The following SPAG16 variants were observed in gnomAD, a reference collection of about 807,000 sequenced individuals.
SPAG16 encodes the protein sperm-associated antigen 16 protein.
A neutral mutation model predicts 80.4 loss-of-function variants in SPAG16; 86 were observed. The observed-to-expected ratio is 1.07, with a 90% CI of 0.90 to 1.28. The LOEUF (loss-of-function observed/expected upper bound fraction) is 1.28. Among genes scored for constraint, SPAG16 ranks in the 50% most tolerant of loss-of-function variants. The pLI is 0.00. For missense variants in SPAG16, 870 were observed against 765.3 expected, an observed-to-expected ratio of 1.14 and a Z score of -1.61; for synonymous variants, 294 against 265.9, an observed-to-expected ratio of 1.11 and a Z score of -1.03.
chr2:213,402,479 G>A (rs2068368895), intron 9 of SPAG16, among the ~76,000 whole-genome samples: 6 of 151,828 alleles, frequency 4.0e-5, no homozygotes, highest in Admixed American at 3.9e-4. Context: ...ACAACGTGCA[G>A]GTTTGTTACA....
chr2:213,382,140 A>G lies in SPAG16; in HGVS notation c.942+7021A>G, dbSNP rs2067205728. Among the ~76,000 whole-genome samples, 3 of 152,202 alleles carry G rather than the reference A, an allele frequency of 2.0e-5. No individual in the cohort carries two copies. In the South Asian group the frequency reaches 6.2e-4, roughly 32 times the overall value. On this transcript the variant is annotated intron_variant, in intron 9 of 15. Transcript: ENST00000331683. ...TTGAGGGACATGTGACATTGAAACAAGAGTGGAAGTTTGGAAGTTTACCTG... is the reference window on the plus strand; with the variant it reads ...TTGAGGGACATGTGACATTGAAACAGGAGTGGAAGTTTGGAAGTTTACCTG...
chr2:214,394,225 TAAGTC>T (rs1701238398), intron 15 of SPAG16, among the ~76,000 whole-genome samples: 1 of 152,180 alleles, frequency 6.6e-6, no homozygotes, highest in Non-Finnish European at 1.5e-5. Flanking sequence ...TCTCTCTTTC[TAAGTC>T]AAGTAAGATC....
intron 15 of SPAG16, among the ~76,000 whole-genome samples, chr2:214,317,781 T>C (rs1450459356): frequency 6.6e-6 from 1 of 152,208 alleles, no homozygotes; most frequent in East Asian, 1.9e-4. Context: ...GTGGCCCTTT[T>C]CTCAGAGTTG....
intron 10 of SPAG16, among the ~76,000 whole-genome samples, chr2:213,643,404 ATATATATT>A (rs2062697366): frequency 4.1e-5 from 2 of 48,706 alleles, no homozygotes; most frequent in Non-Finnish European, 7.8e-5. Flanking sequence ...ATATATATAT[ATATATATT>A]TTATCTCTTG....
intron 10 of SPAG16, among the ~76,000 whole-genome samples, chr2:213,656,681 T>A (rs1474342638): frequency 1.3e-5 from 2 of 152,238 alleles, no homozygotes; most frequent in East Asian, 1.9e-4. Flanking sequence ...CTACATGAAT[T>A]ATGTAGACAC....
At chr2:214,314,523 G>A (rs562316153) in intron 15 of SPAG16, among the ~76,000 whole-genome samples, 2 of 152,300 alleles carry the variant, frequency 1.3e-5, no homozygotes, top group East Asian at 3.9e-4. Context: ...CTGTGGGTTT[G>A]AATCCCACCC....
intron 13 of SPAG16, among the ~76,000 whole-genome samples, chr2:214,037,133 G>A (rs1292282764): frequency 2.0e-5 from 3 of 151,714 alleles, no homozygotes; most frequent in Non-Finnish European, 2.9e-5. Context: ...TTGATGAAAT[G>A]TTTGAGGTTA....
intron 10 of SPAG16, among the ~76,000 whole-genome samples, chr2:213,507,252 G>T (rs1177884555): frequency 6.6e-6 from 1 of 152,210 alleles, no homozygotes. Context: ...ATTATACATT[G>T]TACTGCTCAA....
At chr2:214,027,146 A>C (rs1458386292) in intron 13 of SPAG16, among the ~76,000 whole-genome samples, 1 of 151,678 alleles carries the variant, frequency 6.6e-6, no homozygotes, top group African/African-American at 2.4e-5. Context: ...AAAATAAGTA[A>C]TGATAAAATA....
chr2:214,205,166 G>T (rs755431157), intron 15 of SPAG16, among the ~76,000 whole-genome samples: 5 of 152,062 alleles, frequency 3.3e-5, no homozygotes, highest in Non-Finnish European at 7.4e-5. Flanking sequence ...GGAGGTTGCA[G>T]TGAGCCAAGA....
intron 12 of SPAG16, among the ~76,000 whole-genome samples, chr2:213,973,448 A>G (rs1044049866): frequency 7.9e-5 from 12 of 151,986 alleles, no homozygotes; most frequent in Non-Finnish European, 1.6e-4. Context: ...GTAGCACCCA[A>G]ACAGGTTAGA....
rs150908877 is a variant in SPAG16, at chr2:214,010,103, A to C, written c.1401-3848A>C. On this transcript the variant is annotated intron_variant, in intron 12 of 15. Transcript: ENST00000331683. ...TTTTTATATAATAAAATGTCAAAAG[A>C]GTTAAAATATTTTATTATGATTTGT... Among the ~76,000 whole-genome samples, 1,310 of 146,076 alleles carry C rather than the reference A, an allele frequency of 9.0e-3. 224 individuals are homozygous for C. The highest frequency in any genetic ancestry group is 0.033 in the African/African-American group (1,229 of 37,022).
At chr2:213,576,594 C>T (rs1031502859) in intron 10 of SPAG16, among the ~76,000 whole-genome samples, 1 of 152,030 alleles carries the variant, frequency 6.6e-6, no homozygotes, top group African/African-American at 2.4e-5. Context: ...CAATGATAGA[C>T]TGGATAAAGA....
At chr2:214,368,619 C>G (rs1699628824) in intron 15 of SPAG16, among the ~76,000 whole-genome samples, 1 of 152,068 alleles carries the variant, frequency 6.6e-6, no homozygotes, top group Non-Finnish European at 1.5e-5. Context: ...CCATCCTTCC[C>G]TATTTTTGGA....
At position 213,678,384 on chromosome 2, in the gene SPAG16, G is replaced by A. The variant is rs546493129; in HGVS notation, c.1071-184101G>A. ...GATAGACCACTAGCAAGACTAATAA[G>A]GAAAAAAAGAGAGAAGAATCAAATA... is the stretch of plus-strand genomic sequence containing the variant. On this transcript the variant is annotated intron_variant, in intron 10 of 15. Transcript: ENST00000331683. 2.5e-3 allele frequency among the ~76,000 whole-genome samples: 372 copies of A among 151,674 alleles called. 2 individuals carry two copies. The highest frequency in any genetic ancestry group is 8.5e-3 in the African/African-American group (350 of 41,354).
intron 10 of SPAG16, among the ~76,000 whole-genome samples, chr2:213,572,612 C>T (rs891396582): frequency 2.6e-5 from 4 of 152,136 alleles, no homozygotes; most frequent in Non-Finnish European, 4.4e-5. Context: ...TCTCCAGCTG[C>T]GTGCTGGGAG....
intron 12 of SPAG16, among the ~76,000 whole-genome samples, chr2:213,980,257 G>A (rs1273357784): frequency 1.6e-5 from 1 of 62,842 alleles, no homozygotes; most frequent in Non-Finnish European, 2.6e-5. Context: ...GAATATATGT[G>A]TGTATATATA....
At chr2:214,381,364 T>C (rs1700440339) in intron 15 of SPAG16, among the ~76,000 whole-genome samples, 2 of 152,190 alleles carry the variant, frequency 1.3e-5, no homozygotes, top group Admixed American at 6.5e-5. Context: ...ATGATACCTT[T>C]CCATGTGGGC....
At chr2:214,019,391 G>A (rs1384231756) in intron 13 of SPAG16, among the ~76,000 whole-genome samples, 1 of 152,094 alleles carries the variant, frequency 6.6e-6, no homozygotes, top group Non-Finnish European at 1.5e-5. Context: ...AGTCAGAGTT[G>A]CTGACATTTT....
Sources: allele counts gnomAD v4.1 joint callset (sites outside exome capture counted in the v4.1 genomes callset), GRCh38; gene constraint gnomAD v4.1.1; transcripts MANE v1.5; gene names NCBI Gene and HGNC (gene_info 2026-07-23, HGNC 2026-07-21).